AFG2A: variants seen among roughly 807,000 people sequenced by gnomAD.
AFG2A encodes the protein AAA ATPase AFG2A.
the AFG2A span, among the ~76,000 whole-genome samples, chr4:122,996,616 G>GATAGATAA: frequency 6.6e-6 from 1 of 151,932 alleles, no homozygotes; most frequent in African/African-American, 2.4e-5. Context: ...TAGATAGATA[G>GATAGATAA]ATAGATAGGA....
chr4:123,092,658 A>G, the AFG2A span, among the ~76,000 whole-genome samples: 2 of 152,226 alleles, frequency 1.3e-5, no homozygotes, highest in Admixed American at 6.5e-5. Context: ...CTCAGGATTT[A>G]AACTAAAGAC....
the AFG2A span, among the ~76,000 whole-genome samples, chr4:123,177,649 A>T: frequency 6.6e-6 from 1 of 152,154 alleles, no homozygotes; most frequent in East Asian, 1.9e-4. Flanking sequence ...AGTATTTTCG[A>T]TATTAACAGC....
the AFG2A span, among the ~76,000 whole-genome samples, chr4:123,243,202 A>T: frequency 6.6e-6 from 1 of 152,320 alleles, no homozygotes; most frequent in South Asian, 2.1e-4. Flanking sequence ...TTCCTCAAGG[A>T]TCTAGAACTA....
At chr4:123,273,943 T>A in the AFG2A span, among the ~76,000 whole-genome samples, 3 of 152,138 alleles carry the variant, frequency 2.0e-5, no homozygotes, top group Non-Finnish European at 4.4e-5. Flanking sequence ...TCTTCTGGCT[T>A]TATATGATTA....
the AFG2A span, among the ~76,000 whole-genome samples, chr4:122,954,767 C>T: frequency 6.6e-6 from 1 of 152,226 alleles, no homozygotes; most frequent in Non-Finnish European, 1.5e-5. Flanking sequence ...GGAGCACAGT[C>T]AAGAATGGCC....
chr4:123,144,400 T>C, the AFG2A span, among the ~76,000 whole-genome samples: 1 of 152,096 alleles, frequency 6.6e-6, no homozygotes. Flanking sequence ...AATATAGTAA[T>C]GCTAACTGGG....
the AFG2A span, chr4:123,028,308 T>C: frequency 1.2e-6 from 2 of 1,614,122 alleles, no homozygotes; most frequent in South Asian, 1.1e-5. Flanking sequence ...CTAAAGGAGT[T>C]CTTCTCTATG....
chr4:123,227,803 C>T, the AFG2A span, among the ~76,000 whole-genome samples: 1 of 152,138 alleles, frequency 6.6e-6, no homozygotes, highest in Non-Finnish European at 1.5e-5. Context: ...CTAATGTTGA[C>T]AGTGGGGTGT....
At chr4:123,031,276 C>T in the AFG2A span, among the ~76,000 whole-genome samples, 12 of 152,024 alleles carry the variant, frequency 7.9e-5, no homozygotes, top group Non-Finnish European at 1.6e-4. Flanking sequence ...CTCAGCCTCC[C>T]GAGTAGCTGG....
the AFG2A span, among the ~76,000 whole-genome samples, chr4:123,234,927 G>A: frequency 6.6e-6 from 1 of 151,954 alleles, no homozygotes; most frequent in Non-Finnish European, 1.5e-5. Context: ...CTCGCCTTCC[G>A]GGCTGTTGTG....
At chr4:123,214,668 A>C in the AFG2A span, among the ~76,000 whole-genome samples, 1 of 152,030 alleles carries the variant, frequency 6.6e-6, no homozygotes, top group Non-Finnish European at 1.5e-5. Flanking sequence ...AATATACACA[A>C]ATCTATTATA....
At chr4:123,158,586 C>T in the AFG2A span, among the ~76,000 whole-genome samples, 1 of 152,042 alleles carries the variant, frequency 6.6e-6, no homozygotes, top group Non-Finnish European at 1.5e-5. Flanking sequence ...TATGTAGGGG[C>T]TCCCCAAAGA....
chr4:122,955,323 C>T, the AFG2A span, among the ~76,000 whole-genome samples: 5 of 152,168 alleles, frequency 3.3e-5, no homozygotes, highest in South Asian at 2.1e-4. Context: ...CCACTCCCAC[C>T]GTAATGGCAT....
At chr4:123,260,827 G>A in the AFG2A span, among the ~76,000 whole-genome samples, 2 of 152,174 alleles carry the variant, frequency 1.3e-5, no homozygotes, top group Admixed American at 1.3e-4. Context: ...GTGAAGCAGA[G>A]CAGCACAGTA....
chr4:123,225,265 T>C, the AFG2A span, among the ~76,000 whole-genome samples: 3 of 152,242 alleles, frequency 2.0e-5, no homozygotes, highest in African/African-American at 7.2e-5. Flanking sequence ...TTTTGGTGTT[T>C]TAGACATGAA....
the AFG2A span, among the ~76,000 whole-genome samples, chr4:123,150,752 G>T: frequency 6.6e-6 from 1 of 152,138 alleles, no homozygotes; most frequent in Non-Finnish European, 1.5e-5. Context: ...TTCCTTCACA[G>T]AATTAGAAGA....
At chr4:123,135,994 T>C in the AFG2A span, among the ~76,000 whole-genome samples, 2 of 152,098 alleles carry the variant, frequency 1.3e-5, no homozygotes, top group Non-Finnish European at 1.5e-5. Flanking sequence ...TCATTTACAA[T>C]AGTATGAAAA....
the AFG2A span, among the ~76,000 whole-genome samples, chr4:123,115,236 C>G: frequency 3.3e-5 from 5 of 152,132 alleles, no homozygotes; most frequent in African/African-American, 1.2e-4. Context: ...GCTTGAGACC[C>G]TGCCGGGGGG....
chr4:123,150,656 A>C, the AFG2A span, among the ~76,000 whole-genome samples: 2 of 152,244 alleles, frequency 1.3e-5, no homozygotes, highest in Non-Finnish European at 2.9e-5. Flanking sequence ...GTGCTCATGG[A>C]TATGAAGAAT....
Sources: gnomAD v4.1 joint callset for allele counts (sites outside exome capture counted in the v4.1 genomes callset) on GRCh38, gnomAD v4.1.1 for gene constraint, MANE v1.5 for transcripts, NCBI Gene and HGNC (gene_info 2026-07-23, HGNC 2026-07-21) for gene names.